The following WDR20 variants were observed in gnomAD, a reference collection of about 807,000 sequenced individuals.
WDR20 encodes WD repeat domain 20.
Under a neutral mutation model 38.7 loss-of-function variants are expected in WDR20, and 3 were observed. That is an observed-to-expected ratio of 0.08 (90% CI 0.04 to 0.20). The LOEUF (loss-of-function observed/expected upper bound fraction) is 0.20. Among genes scored for constraint, WDR20 ranks in the 10% least tolerant of loss-of-function variants. WDR20 has a pLI of 1.00. For synonymous variants in WDR20, 298 were observed against 285.6 expected, an observed-to-expected ratio of 1.04 and a Z score of -0.44; for missense variants, 559 against 727.7, an observed-to-expected ratio of 0.77 and a Z score of 2.67.
intron 1 of WDR20, among the ~76,000 whole-genome samples, chr14:102,152,173 C>T (rs1431135405): frequency 6.6e-6 from 1 of 152,016 alleles, no homozygotes; most frequent in Non-Finnish European, 1.5e-5. Context: ...ATCACAGCCT[C>T]CCACAGTGGT....
Position 102,209,810 on chromosome 14 carries a change from T to C in WDR20, c.1640T>C (p.Val547Ala). 6.2e-7 allele frequency: 1 copy of C among 1,613,920 alleles called. No homozygotes were observed. The highest frequency in any genetic ancestry group is 8.5e-7 in the Non-Finnish European group (1 of 1,180,022). ...TVLIFLEDCI[V>A]TACQEGFICT... ...CTAATATTTCTTGAAGACTGTATAGTCACTGCTTGTCAGGAGGGATTTATT... is the reference window on the plus strand; with the variant it reads ...CTAATATTTCTTGAAGACTGTATAGCCACTGCTTGTCAGGAGGGATTTATT... The change falls in exon 3 of 3, where the codon GTC (valine) becomes GCC (alanine). Residue 547 changes from valine to alanine, a missense_variant. Val to Ala is a moderately conservative substitution (Grantham distance 64, BLOSUM62 0). Transcript: ENST00000342702. The surrounding 1 kb of genome is among the most constrained non-coding windows in gnomAD (Gnocchi z 6.0).
At chr14:102,187,541 G>A (rs948065704) in intron 1 of WDR20, among the ~76,000 whole-genome samples, 1 of 152,120 alleles carries the variant, frequency 6.6e-6, no homozygotes, top group Non-Finnish European at 1.5e-5. Flanking sequence ...AGGGTCTTTG[G>A]GGTAATGTAT....
rs753942062 is a variant in WDR20 at position 102,220,894 on chromosome 14, C to CT, written c.1693-1935dup. On this transcript the variant is annotated intron_variant, in intron 3 of 3. Transcript: ENST00000335263. This position sits in a 1 kb window ranked among gnomAD's most constrained non-coding sequence, Gnocchi z 4.2. ...AGCCATCCTCCTGCCACACAGCCTC[C>CT]TGAGTAGCTGGGATGACAGCCGTGC... Among the ~76,000 whole-genome samples, 4 of 152,106 alleles carry CT rather than the reference C, an allele frequency of 2.6e-5. No individual in the cohort carries two copies. Among genetic ancestry groups the CT allele is most frequent in the Admixed American group, 1.3e-4 (2 of 15,266 alleles).
chr14:102,188,456 A>T (rs1273814957), intron 1 of WDR20, among the ~76,000 whole-genome samples: 1 of 152,202 alleles, frequency 6.6e-6, no homozygotes, highest in East Asian at 1.9e-4. Flanking sequence ...CTGGAACTGG[A>T]GGGCTTCTTT....
intron 1 of WDR20, among the ~76,000 whole-genome samples, chr14:102,171,945 T>C (rs2060916028): frequency 6.6e-6 from 1 of 151,286 alleles, no homozygotes; most frequent in Non-Finnish European, 1.5e-5. Flanking sequence ...TGATCATTCT[T>C]GGGTGTTTCT....
chr14:102,224,037 A>ATTTTTTT (rs533802492), downstream of WDR20, among the ~76,000 whole-genome samples: 1 of 123,134 alleles, frequency 8.1e-6, no homozygotes, highest in Non-Finnish European at 1.7e-5. Flanking sequence ...TTTACCTGAG[A>ATTTTTTT]TTTTTTTTTT....
chr14:102,211,746 T>C (rs2062568706), downstream of WDR20, among the ~76,000 whole-genome samples: 1 of 152,254 alleles, frequency 6.6e-6, no homozygotes, highest in South Asian at 2.1e-4. This position sits in a 1 kb window ranked among gnomAD's most constrained non-coding sequence, Gnocchi z 4.2. Context: ...ACGCTCCATG[T>C]GCAACTTTTG....
At chr14:102,148,540 C>CAA (rs57236717) in intron 1 of WDR20, among the ~76,000 whole-genome samples, 3 of 131,668 alleles carry the variant, frequency 2.3e-5, no homozygotes, top group African/African-American at 9.5e-5. Flanking sequence ...GACTCTGTCT[C>CAA]AAAAAAAAAA....
downstream of WDR20, among the ~76,000 whole-genome samples, chr14:102,215,625 C>T (rs115977186): frequency 4.0e-4 from 61 of 152,234 alleles, no homozygotes; most frequent in African/African-American, 1.4e-3. Flanking sequence ...TCCCCTTGCC[C>T]CCAGGTAGGC....
chr14:102,216,273 A>G (rs1387245947), downstream of WDR20, among the ~76,000 whole-genome samples: 1 of 152,204 alleles, frequency 6.6e-6, no homozygotes, highest in Non-Finnish European at 1.5e-5. Context: ...CGACTGCCAC[A>G]AGAGTGCACA....
chr14:102,217,522 C>T (rs936509514), downstream of WDR20, among the ~76,000 whole-genome samples: 21 of 152,208 alleles, frequency 1.4e-4, no homozygotes, highest in Non-Finnish European at 1.9e-4. Flanking sequence ...GGCAGAGGTA[C>T]GTGGTCCACT....
At chr14:102,173,904 C>T (rs1431253144) in intron 1 of WDR20, among the ~76,000 whole-genome samples, 5 of 151,906 alleles carry the variant, frequency 3.3e-5, no homozygotes, top group African/African-American at 1.2e-4. Flanking sequence ...ATTAGCTGGG[C>T]GTGGTGGCGG....
Position 102,170,667 on chromosome 14 carries a change from A to G in WDR20, c.250-24271A>G, listed in dbSNP as rs566241092. On this transcript the variant is annotated intron_variant, in intron 1 of 2. Coordinates refer to ENST00000342702, the MANE Select transcript of WDR20 (RefSeq NM_144574.4). ...TTGGTAGGAGATCTCTTTTATGATT[A>G]TTTATTTTTAATTTTTAAATTTTTT... 3.3e-5 allele frequency among the ~76,000 whole-genome samples: 5 copies of G among 151,518 alleles called. No homozygotes were observed. The East Asian group carries it at 9.7e-4, about 29-fold the overall frequency.
downstream of WDR20, chr14:102,212,639 C>G: frequency 6.5e-7 from 1 of 1,533,638 alleles, no homozygotes; most frequent in Non-Finnish European, 8.7e-7. Context: ...AAGCGCCCTT[C>G]TCCTCGGCTG....
chr14:102,176,457 G>T (rs1283412912), intron 1 of WDR20, among the ~76,000 whole-genome samples: 2 of 152,126 alleles, frequency 1.3e-5, no homozygotes, highest in Non-Finnish European at 2.9e-5. Context: ...CCAGCACTTT[G>T]GGAGGCCAAG....
downstream of WDR20, chr14:102,212,982 G>A (rs1417207564): frequency 1.0e-6 from 1 of 1,003,110 alleles, no homozygotes; most frequent in Non-Finnish European, 1.2e-6. Context: ...TCAGACGAAA[G>A]TCAGGTGCAC....
chr14:102,172,597 C>G, intron 1 of WDR20, among the ~76,000 whole-genome samples: 1 of 148,054 alleles, frequency 6.8e-6, no homozygotes, highest in Non-Finnish European at 1.5e-5. Context: ...TCCTCACTTC[C>G]CAGTAGGGGC....
intron 1 of WDR20, among the ~76,000 whole-genome samples, chr14:102,148,022 C>T (rs916568418): frequency 1.1e-4 from 16 of 152,172 alleles, no homozygotes; most frequent in South Asian, 6.2e-4. Context: ...TGGGCTACTA[C>T]GCCTGGCCAA....
chr14:102,141,921 T>C (rs929975536), intron 1 of WDR20, among the ~76,000 whole-genome samples: 4 of 152,188 alleles, frequency 2.6e-5, no homozygotes, highest in African/African-American at 9.6e-5. Context: ...AAAATTTTTT[T>C]TTCTTTGAAA....
Sources: gnomAD v4.1 joint callset for allele counts (sites outside exome capture counted in the v4.1 genomes callset) on GRCh38, gnomAD v4.1.1 for gene constraint, Gnocchi (gnomAD v3.1) non-coding constraint, MANE v1.5 for transcripts, NCBI Gene and HGNC (gene_info 2026-07-23, HGNC 2026-07-21) for gene names.